The following NECAB2 variants were observed in gnomAD, a reference collection of about 807,000 sequenced individuals.
NECAB2 encodes the protein N-terminal EF-hand calcium-binding protein 2.
Under a neutral mutation model 51.9 loss-of-function variants are expected in NECAB2, and 68 were observed. That is an observed-to-expected ratio of 1.31 (90% CI 1.08 to 1.60). The LOEUF (loss-of-function observed/expected upper bound fraction) is 1.60, where lower values mean the gene tolerates loss of function less well. Ranked by LOEUF, NECAB2 falls within the 40% of genes most tolerant of loss-of-function variation. The pLI is 0.00. For synonymous variants in NECAB2, 329 were observed against 203.5 expected, an observed-to-expected ratio of 1.62 and a Z score of -5.25; for missense variants, 854 against 490.3, an observed-to-expected ratio of 1.74 and a Z score of -7.00.
chr16:83,995,800 C>G (rs1282147342), intron 8 of NECAB2, among the ~76,000 whole-genome samples: 1 of 152,216 alleles, frequency 6.6e-6, no homozygotes, highest in African/African-American at 2.4e-5. Context: ...CAAACTTCCC[C>G]TCCTGCAGGG....
chr16:84,001,052 G>C (rs1357881322), intron 11 of NECAB2, among the ~76,000 whole-genome samples: 4 of 152,098 alleles, frequency 2.6e-5, no homozygotes, highest in South Asian at 2.1e-4. Flanking sequence ...TGTGCCCCTA[G>C]AGCACCTTGT....
chr16:83,976,310 C>T (rs937499484), intron 2 of NECAB2, among the ~76,000 whole-genome samples: 1 of 152,222 alleles, frequency 6.6e-6, no homozygotes, highest in Non-Finnish European at 1.5e-5. Context: ...GTTCAAGCTT[C>T]AGCTGTAGGA....
chr16:83,968,613 G>C lies in NECAB2; in HGVS notation c.-36G>C, dbSNP rs1183726303. 1.0e-6 allele frequency: 1 copy of C among 979,118 alleles called. No homozygotes were observed. Among genetic ancestry groups the C allele is most frequent in the Non-Finnish European group, 1.2e-6 (1 of 827,202 alleles). 60.7% of individuals were successfully genotyped at this position (979,118 alleles called of 1,614,324 possible). On this transcript the variant is annotated 5_prime_UTR_variant, in exon 1 of 13. Coordinates refer to ENST00000305202, the MANE Select transcript of NECAB2 (RefSeq NM_019065.3). ...GGCGGGCCGCAGCTGGGCGGGGGTC[G>C]GCGGGCTTCCGGGCGGCGGCGGCGG... is the stretch of plus-strand genomic sequence containing the variant.
At chr16:83,987,382 T>G (rs2084569686) in intron 5 of NECAB2, among the ~76,000 whole-genome samples, 1 of 152,218 alleles carries the variant, frequency 6.6e-6, no homozygotes, top group African/African-American at 2.4e-5. Context: ...CCTTTCTAAT[T>G]TTTAGCCATG....
At chr16:83,984,765 A>G (rs1313838743) in intron 5 of NECAB2, among the ~76,000 whole-genome samples, 1 of 152,192 alleles carries the variant, frequency 6.6e-6, no homozygotes, top group Non-Finnish European at 1.5e-5. Context: ...GCTGTAGCTC[A>G]CATCTTAAGT....
chr16:83,965,511 A>C, upstream of NECAB2: 2 of 1,612,124 alleles, frequency 1.2e-6, no homozygotes, highest in South Asian at 2.2e-5. Context: ...CCGGTGATCC[A>C]TGCCTTCCGC....
intron 2 of NECAB2, 85 bp from the exon 3 acceptor site, chr16:83,978,359 C>G: frequency 9.6e-7 from 1 of 1,045,370 alleles, no homozygotes; most frequent in Non-Finnish European, 1.4e-6. Context: ...AGGCCATTGA[C>G]TGGATTTGGG....
intron 1 of NECAB2, among the ~76,000 whole-genome samples, chr16:83,969,340 C>A (rs1021614884): frequency 6.6e-6 from 1 of 152,074 alleles, no homozygotes; most frequent in African/African-American, 2.4e-5. Context: ...ATCTCACGCT[C>A]AAAGACCCTT....
rs574823702 is a variant in NECAB2, at chr16:83,975,940, G to A, written c.227-2504G>A. Among the ~76,000 whole-genome samples the A allele has an allele frequency of 8.5e-5, 13 of 152,264 alleles. No homozygotes were observed. The East Asian group carries it at 1.5e-3, about 18-fold the overall frequency. ...CCTCATTAGTGAATTCATTAGGGCCGTGATCAGGCGTTCAGGATAAATGTC... is the reference window on the plus strand; with the variant it reads ...CCTCATTAGTGAATTCATTAGGGCCATGATCAGGCGTTCAGGATAAATGTC... On this transcript the variant is annotated intron_variant, in intron 2 of 12. Coordinates refer to ENST00000305202, the MANE Select transcript of NECAB2 (RefSeq NM_019065.3).
Position 84,000,744 on chromosome 16 carries a change from C to T in NECAB2, c.983C>T (p.Ser328Leu). The T allele has an allele frequency of 1.2e-6, 2 of 1,613,902 alleles. No individual in the cohort carries two copies. Among genetic ancestry groups the T allele is most frequent in the Non-Finnish European group, 1.7e-6 (2 of 1,179,982 alleles). Reference protein sequence around the residue: ...NCFHITAVRLSDGFTFVIYEF... With the variant: ...NCFHITAVRLLDGFTFVIYEF... The stretch of plus-strand genomic sequence containing the variant: ...TGCAGCATCACTGCCGTGAGGCTCT[C>T]AGATGGCTTCACCTTTGTCATCTAT... Residue 328 changes from serine (S) to leucine (L), a missense_variant, in exon 11 of 13, where the codon TCA becomes TTA. By Grantham distance (145) the Ser-to-Leu change is moderately radical. Transcript: ENST00000305202.
chr16:83,969,054 G>A (rs1174155001), intron 1 of NECAB2, among the ~76,000 whole-genome samples: 1 of 150,630 alleles, frequency 6.6e-6, no homozygotes, highest in East Asian at 2.0e-4. Flanking sequence ...TCCCTGGACC[G>A]GGAGACCCCC....
intron 3 of NECAB2, among the ~76,000 whole-genome samples, chr16:83,979,274 G>C (rs558862369): frequency 1.3e-5 from 2 of 152,134 alleles, no homozygotes; most frequent in African/African-American, 4.8e-5. Flanking sequence ...AGGCCTACTC[G>C]CGTGATGAGG....
intron 5 of NECAB2, among the ~76,000 whole-genome samples, chr16:83,983,759 G>C (rs990965267): frequency 6.6e-6 from 1 of 152,058 alleles, no homozygotes; most frequent in South Asian, 2.1e-4. Context: ...ATTGGGAGTG[G>C]AGATCGGATG....
Position 83,968,594 on chromosome 16 carries a change from C to T in NECAB2, c.-55C>T. ...GGGGAGGGGGTCGCGCGGGGGCGGGCCGCAGCTGGGCGGGGGTCGGCGGGC... is the reference window on the plus strand; with the variant it reads ...GGGGAGGGGGTCGCGCGGGGGCGGGTCGCAGCTGGGCGGGGGTCGGCGGGC... On this transcript the variant is annotated 5_prime_UTR_variant, in exon 1 of 13. Transcript: ENST00000305202. 1 of 970,442 alleles carries T rather than the reference C, an allele frequency of 1.0e-6. No homozygotes were observed. The highest frequency in any genetic ancestry group is 1.2e-4 in the East Asian group (1 of 8,468). 60.1% of individuals were successfully genotyped at this position (970,442 alleles called of 1,614,324 possible).
chr16:83,996,047 G>C (rs1314962238), intron 8 of NECAB2, among the ~76,000 whole-genome samples: 2 of 152,226 alleles, frequency 1.3e-5, no homozygotes, highest in African/African-American at 2.4e-5. Flanking sequence ...ACTGGCCCGG[G>C]CGGTCAGCAG....
intron 5 of NECAB2, among the ~76,000 whole-genome samples, chr16:83,982,392 C>G (rs766905201): frequency 2.6e-5 from 4 of 152,174 alleles, no homozygotes; most frequent in African/African-American, 9.6e-5. Flanking sequence ...AAGTATTAAT[C>G]TTTGTAGAAT....
At chr16:83,965,744 C>A, upstream of NECAB2, 1 of 1,613,572 alleles carries the variant, frequency 6.2e-7, no homozygotes, top group Non-Finnish European at 8.5e-7. Flanking sequence ...TGGGGTCTCC[C>A]TGGTGCTGGT....
intron 2 of NECAB2, among the ~76,000 whole-genome samples, chr16:83,977,797 G>C (rs901662430): frequency 5.9e-5 from 9 of 152,338 alleles, no homozygotes; most frequent in African/African-American, 1.9e-4. Context: ...CCTGAAGTTT[G>C]CCACATAGAT....
At chr16:83,976,259 G>C (rs1296799628) in intron 2 of NECAB2, among the ~76,000 whole-genome samples, 1 of 152,206 alleles carries the variant, frequency 6.6e-6, no homozygotes, top group Non-Finnish European at 1.5e-5. Context: ...CCTACCCCTG[G>C]ATTAGGTTGA....
Sources: gnomAD v4.1 joint callset for allele counts (sites outside exome capture counted in the v4.1 genomes callset) on GRCh38, gnomAD v4.1.1 for gene constraint, MANE v1.5 for transcripts, NCBI Gene and HGNC (gene_info 2026-07-23, HGNC 2026-07-21) for gene names.